Variants in EPS8 observed in about 807,000 individuals in gnomAD.
The protein encoded by EPS8 is epidermal growth factor receptor kinase substrate 8.
Under a neutral mutation model 103.8 loss-of-function variants are expected in EPS8, and 42 were observed. The ratio of observed to expected loss-of-function variants is 0.40; its 90% CI spans 0.32 to 0.52. The LOEUF (loss-of-function observed/expected upper bound fraction) is 0.52, where lower values mean the gene tolerates loss of function less well. Among genes scored for constraint, EPS8 ranks in the 20% least tolerant of loss-of-function variants. The pLI, the probability that EPS8 is intolerant of heterozygous loss-of-function variation, is 0.40. For synonymous variants in EPS8, 344 were observed against 344.6 expected (o/e 1.00, Z 0.02); for missense variants, 969 against 1,005.1 (o/e 0.96, Z 0.49).
In EPS8 at chr12:15,666,325, T is replaced by C. The variant is rs558253810; in HGVS notation, c.599+115A>G. 4.2e-6 allele frequency: 3 copies of C among 718,052 alleles called. No homozygotes were observed. The South Asian group carries it at 5.8e-5, about 14-fold the overall frequency. The allele number at this position is 718,052 out of a possible 1,614,324, so 44.5% of individuals were successfully genotyped here. ...ACAAATGTGTTGAGACTACAGGTTATGATCTATACAATACAATAATATACT... is the reference window on the plus strand; with the variant it reads ...ACAAATGTGTTGAGACTACAGGTTACGATCTATACAATACAATAATATACT... On this transcript the variant is annotated intron_variant, in intron 7 of 20. Coordinates refer to ENST00000281172, the MANE Select transcript of EPS8 (RefSeq NM_004447.6).
At position 15,772,276 on chromosome 12, in the gene EPS8, A is replaced by C. The variant is rs1420978855; in HGVS notation, c.-22+16885T>G. 6.6e-6 allele frequency among the ~76,000 whole-genome samples: 1 copy of C among 152,126 alleles called. No homozygotes were observed. The highest frequency in any genetic ancestry group is 2.4e-5 in the African/African-American group (1 of 41,412). ...GAAAGAGATGAGGGGGCCAGAGTAA[A>C]AGCAAGAAATTAATTTTGGGAAATG... On this transcript the variant is annotated intron_variant, in intron 1 of 20. Coordinates refer to ENST00000281172, the MANE Select transcript of EPS8 (RefSeq NM_004447.6). This position sits in a 1 kb window ranked among gnomAD's most constrained non-coding sequence, Gnocchi z 5.0.
At chr12:15,638,699 T>C (rs1271823773) in intron 17 of EPS8, among the ~76,000 whole-genome samples, 3 of 152,220 alleles carry the variant, frequency 2.0e-5, no homozygotes, top group South Asian at 4.1e-4. Context: ...TTGTGAACTC[T>C]TAAAAACATT....
Position 15,721,021 on chromosome 12 carries a change from A to G in EPS8, c.-21-38049T>C, listed in dbSNP as rs1170757479. 3.3e-5 allele frequency among the ~76,000 whole-genome samples: 5 copies of G among 152,076 alleles called. No individual in the cohort carries two copies. Among genetic ancestry groups the G allele is most frequent in the Non-Finnish European group, 2.9e-5 (2 of 68,020 alleles). On this transcript the variant is annotated intron_variant, in intron 1 of 20. Transcript: ENST00000281172. The surrounding 1 kb of genome is among the most constrained non-coding windows in gnomAD (Gnocchi z 4.4). ...CAGTTGGTGATGTTGCATGTCATTTATTTTTGCCCTGTCTGTCCCATTAGA... is the reference window on the plus strand; with the variant it reads ...CAGTTGGTGATGTTGCATGTCATTTGTTTTTGCCCTGTCTGTCCCATTAGA...
intron 1 of EPS8, among the ~76,000 whole-genome samples, chr12:15,691,310 G>T (rs969694034): frequency 6.6e-6 from 1 of 151,812 alleles, no homozygotes; most frequent in Non-Finnish European, 1.5e-5. Context: ...GGAAGTCAAG[G>T]TGGGGGTATT....
rs541074467 is a variant in EPS8, at chr12:15,774,712, A to T, written c.-22+14449T>A. ...AAATATATAAATATATATATATATA[A>T]AAAATAGTGACCAAAATATTTGGTC... On this transcript the variant is annotated intron_variant, in intron 1 of 20. Coordinates refer to ENST00000281172, the MANE Select transcript of EPS8 (RefSeq NM_004447.6). Among the ~76,000 whole-genome samples the T allele has an allele frequency of 9.7e-3, 1,431 of 147,938 alleles. 19 individuals carry two copies. Among genetic ancestry groups the T allele is most frequent in the African/African-American group, 0.03 (1,216 of 40,780 alleles).
Position 15,717,812 on chromosome 12 carries a change from A to G in EPS8, c.-21-34840T>C, listed in dbSNP as rs1313980763. ...TATGTAACAGGGAATATAAATGAACAAAATGGTAGTTTTGCCTTAAATTGG... is the reference window on the plus strand; with the variant it reads ...TATGTAACAGGGAATATAAATGAACGAAATGGTAGTTTTGCCTTAAATTGG... On this transcript the variant is annotated intron_variant, in intron 1 of 20. Transcript: ENST00000281172. This position sits in a 1 kb window ranked among gnomAD's most constrained non-coding sequence, Gnocchi z 4.3. 6.6e-6 allele frequency among the ~76,000 whole-genome samples: 1 copy of G among 152,198 alleles called. No homozygotes were observed. The highest frequency in any genetic ancestry group is 2.4e-5 in the African/African-American group (1 of 41,442).
At position 15,721,027 on chromosome 12, in the gene EPS8, G is replaced by A. The variant is rs1946589247; in HGVS notation, c.-21-38055C>T. Among the ~76,000 whole-genome samples the A allele has an allele frequency of 6.6e-6, 1 of 151,882 alleles. No homozygotes were observed. Among genetic ancestry groups the A allele is most frequent in the African/African-American group, 2.4e-5 (1 of 41,336 alleles). ...GTGATGTTGCATGTCATTTATTTTT[G>A]CCCTGTCTGTCCCATTAGAATACAT... On this transcript the variant is annotated intron_variant, in intron 1 of 20. Transcript: ENST00000281172. The surrounding 1 kb of genome is among the most constrained non-coding windows in gnomAD (Gnocchi z 4.4).
At chr12:15,655,158 CTG>C (rs1470203850) in intron 12 of EPS8, among the ~76,000 whole-genome samples, 5 of 152,080 alleles carry the variant, frequency 3.3e-5, no homozygotes, top group Admixed American at 3.3e-4. Flanking sequence ...TTTGTACATG[CTG>C]TTCCCAGTTC....
intron 6 of EPS8, among the ~76,000 whole-genome samples, chr12:15,668,795 C>T (rs903135298): frequency 5.9e-5 from 9 of 152,144 alleles, no homozygotes; most frequent in African/African-American, 2.2e-4. Flanking sequence ...ATTTACTGTC[C>T]ACAAAGCAAG....
intron 19 of EPS8, 32 bp from the exon 20 acceptor site, chr12:15,623,319 C>G (rs1235606852): frequency 6.4e-7 from 1 of 1,561,518 alleles, no homozygotes; most frequent in Admixed American, 2.0e-5. Context: ...AGAAACTGAG[C>G]ATTAAAAATA....
At chr12:15,718,090 G>A (rs150831774) in intron 1 of EPS8, among the ~76,000 whole-genome samples, 9 of 152,292 alleles carry the variant, frequency 5.9e-5, no homozygotes, top group Admixed American at 3.9e-4. Context: ...AAAAGCTTGT[G>A]TTTGTGCACC....
At chr12:15,632,435 T>C (rs574581690) in intron 17 of EPS8, among the ~76,000 whole-genome samples, 22 of 152,338 alleles carry the variant, frequency 1.4e-4, no homozygotes, top group Non-Finnish European at 2.9e-4. Context: ...ACACACATAA[T>C]AGTTAACACT....
At chr12:15,654,946 CA>C (rs1277513745) in intron 12 of EPS8, among the ~76,000 whole-genome samples, 1 of 151,998 alleles carries the variant, frequency 6.6e-6, no homozygotes, top group African/African-American at 2.4e-5. Flanking sequence ...AGTAGATGTT[CA>C]AAAACTGCTC....
In EPS8 at chr12:15,735,659, T is replaced by C. The variant is rs1241879172; in HGVS notation, c.-21-52687A>G. Among the ~76,000 whole-genome samples, 1 of 152,234 alleles carries C rather than the reference T, an allele frequency of 6.6e-6. No individual in the cohort carries two copies. Among genetic ancestry groups the C allele is most frequent in the Non-Finnish European group, 1.5e-5 (1 of 68,042 alleles). Reference sequence around the variant, plus strand: ...CTTCTTCTATGTAGATGTGCATGTATATTGAGCTCAAAGCCTACAAATAAA... The same window carrying C: ...CTTCTTCTATGTAGATGTGCATGTACATTGAGCTCAAAGCCTACAAATAAA... On this transcript the variant is annotated intron_variant, in intron 1 of 20. Coordinates refer to ENST00000281172, the MANE Select transcript of EPS8 (RefSeq NM_004447.6). This position sits in a 1 kb window ranked among gnomAD's most constrained non-coding sequence, Gnocchi z 4.4.
At chr12:15,666,584 T>C (rs1317321128) in intron 6 of EPS8, 62 bp from the exon 7 acceptor site, 1 of 1,181,720 alleles carries the variant, frequency 8.5e-7, no homozygotes, top group Non-Finnish European at 1.3e-6. Flanking sequence ...ATATGTAGTT[T>C]AAAACAGAAA....
intron 18 of EPS8, among the ~76,000 whole-genome samples, chr12:15,628,485 C>T (rs184475795): frequency 7.8e-4 from 118 of 152,086 alleles, no homozygotes; most frequent in Non-Finnish European, 1.1e-3. Flanking sequence ...AGATTAAATT[C>T]GAATAAAAGG....
intron 1 of EPS8, among the ~76,000 whole-genome samples, chr12:15,770,028 A>C (rs1947137108): frequency 6.6e-6 from 1 of 151,052 alleles, no homozygotes; most frequent in East Asian, 1.9e-4. Flanking sequence ...TTGCAGCCTC[A>C]AACTCCCAGG....
rs1947233448 is a variant in EPS8 at position 15,778,966 on chromosome 12, AC to A, written c.-22+10194del. Reference sequence around the variant, plus strand: ...AAACCAAGATTTTAAAATGTAACAGACTTTTTCTTTCTTTCTTTCTTTCTTT... The same window carrying A: ...AAACCAAGATTTTAAAATGTAACAGATTTTTCTTTCTTTCTTTCTTTCTTT... On this transcript the variant is annotated intron_variant, in intron 1 of 20. Transcript: ENST00000281172. This position sits in a 1 kb window ranked among gnomAD's most constrained non-coding sequence, Gnocchi z 4.5. 2.7e-5 allele frequency among the ~76,000 whole-genome samples: 1 copy of A among 37,236 alleles called. No individual in the cohort carries two copies. Among genetic ancestry groups the A allele is most frequent in the Non-Finnish European group, 5.0e-5 (1 of 19,808 alleles). The allele number at this position is 37,236 out of a possible 152,430, so 24.4% of individuals were successfully genotyped here.
chr12:15,660,713 T>C lies in EPS8; in HGVS notation c.838A>G (p.Ile280Val). 1 of 1,608,646 alleles carries C rather than the reference T, an allele frequency of 6.2e-7. No individual in the cohort carries two copies. Among genetic ancestry groups the C allele is most frequent in the Non-Finnish European group, 8.5e-7 (1 of 1,175,792 alleles). ...VQILNHILDD[I>V]EFFITKLQKA... Reference sequence around the variant, plus strand: ...TGGAGTTTTGTGATAAAAAATTCAATGTCATCCAAAATGTGGTTTAAGATT... The same window carrying C: ...TGGAGTTTTGTGATAAAAAATTCAACGTCATCCAAAATGTGGTTTAAGATT... The change falls in exon 10 of 21, where the codon ATT becomes GTT. Residue 280 changes from isoleucine to valine, a missense_variant. Transcript: ENST00000281172.
Sources: gnomAD v4.1 joint callset for allele counts (sites outside exome capture counted in the v4.1 genomes callset) on GRCh38, gnomAD v4.1.1 for gene constraint, Gnocchi (gnomAD v3.1) non-coding constraint, MANE v1.5 for transcripts, NCBI Gene and HGNC (gene_info 2026-07-23, HGNC 2026-07-21) for gene names.